ZBTB25: variants seen among roughly 807,000 people sequenced by gnomAD.
The protein encoded by ZBTB25 is zinc finger and BTB domain-containing protein 25.
In ZBTB25, 20 loss-of-function variants were observed where a neutral mutation model predicts 34.2. The observed-to-expected ratio is 0.58, with a 90% CI of 0.41 to 0.85. The LOEUF is 0.85. Ranked by LOEUF, ZBTB25 falls within the 40% of genes least tolerant of loss-of-function variation. ZBTB25 has a pLI of 0.00. For missense variants in ZBTB25, 437 were observed against 521.8 expected (o/e 0.84, Z 1.58); for synonymous variants, 175 against 186.4 (o/e 0.94, Z 0.50).
intron 1 of ZBTB25, among the ~76,000 whole-genome samples, chr14:64,499,203 T>C (rs2079400193): frequency 6.6e-6 from 1 of 152,200 alleles, no homozygotes; most frequent in African/African-American, 2.4e-5. Flanking sequence ...GGAAATTATG[T>C]TGACTACATT....
downstream of ZBTB25, among the ~76,000 whole-genome samples, chr14:64,476,383 T>C (rs1003801888): frequency 4.6e-5 from 7 of 152,236 alleles, no homozygotes; most frequent in Non-Finnish European, 8.8e-5. Flanking sequence ...CGGAGTGCAG[T>C]GGAGTGATCT....
At position 64,469,151 on chromosome 14, in the gene ZBTB25, T is replaced by G. The variant is rs970702104; in HGVS notation, c.174-19513A>C. ...CCAGCAAGCAAGCCCACTTGAAACT[T>G]CAGAAACAGACCATCAGCAGCCAGT... On this transcript the variant is annotated intron_variant, in intron 2 of 2. Transcript: ENST00000555220. 5 of 1,613,948 alleles carry G rather than the reference T, an allele frequency of 3.1e-6. No homozygotes were observed. In the Admixed American group the frequency reaches 5.0e-5, roughly 16 times the overall value.
chr14:64,468,375 A>C, intron 2 of ZBTB25: 5 of 1,573,364 alleles, frequency 3.2e-6, no homozygotes, highest in Non-Finnish European at 4.3e-6. Flanking sequence ...TTTTCTAGAG[A>C]ATAAGAGTGC....
chr14:64,505,050 C>A (rs908083298), upstream of ZBTB25: 3 of 375,072 alleles, frequency 8.0e-6, no homozygotes, highest in Non-Finnish European at 1.4e-5. Flanking sequence ...GGCGCCGATC[C>A]GTGCGGGGAG....
chr14:64,451,170 A>C (rs962381672), intron 2 of ZBTB25, among the ~76,000 whole-genome samples: 6 of 152,072 alleles, frequency 3.9e-5, no homozygotes, highest in African/African-American at 1.4e-4. Flanking sequence ...GTCTCAAAAA[A>C]AAAATTTTGT....
chr14:64,487,811 A>G lies in ZBTB25; in HGVS notation c.420T>C (p.Val140=), dbSNP rs377494802. ...CTTTGACCTCCAGTCCTTGTTTGAC[A>G]ACTGTTTTTTGGGTTGTTGAGATCT... ...GIQISTTQKT[V]VKQGLEVKEA... is the part of the protein sequence containing the mutation. Residue 140 remains valine (V), a synonymous_variant, in exon 3 of 3, where the codon GTT becomes GTC. Coordinates refer to ENST00000608382, the MANE Select transcript of ZBTB25 (RefSeq NM_006977.5). 2 of 1,614,024 alleles carry G rather than the reference A, an allele frequency of 1.2e-6. No homozygotes were observed. Among genetic ancestry groups the G allele is most frequent in the Non-Finnish European group, 1.7e-6 (2 of 1,180,036 alleles).
chr14:64,502,767 G>C (rs2079538445), intron 1 of ZBTB25: 1 of 966,452 alleles, frequency 1.0e-6, no homozygotes, highest in Non-Finnish European at 1.2e-6. Context: ...GCTATCAAGA[G>C]GTGTAGCTAG....
intron 1 of ZBTB25, among the ~76,000 whole-genome samples, chr14:64,498,768 G>A (rs2079379029): frequency 1.3e-5 from 2 of 152,016 alleles, no homozygotes; most frequent in African/African-American, 4.8e-5. Context: ...CGAGTAGCTG[G>A]GACTACAGGC....
At chr14:64,497,638 A>G (rs907896048) in intron 1 of ZBTB25, among the ~76,000 whole-genome samples, 1 of 152,252 alleles carries the variant, frequency 6.6e-6, no homozygotes, top group African/African-American at 2.4e-5. Flanking sequence ...TTTACCTTCT[A>G]GATTGTAGTA....
In ZBTB25 at chr14:64,482,020, T is replaced by A. The variant is rs916485228; in HGVS notation, c.*4903A>T. ...CCTGTACAAATAAATGTTAACGAAA[T>A]TACACATTTTTCACACTATCTTTTT... On this transcript the variant is annotated 3_prime_UTR_variant, in exon 3 of 3. Coordinates refer to ENST00000608382, the MANE Select transcript of ZBTB25 (RefSeq NM_006977.5). The A allele has an allele frequency of 6.6e-6, 1 of 152,208 alleles. No individual in the cohort carries two copies. Among genetic ancestry groups the A allele is most frequent in the Non-Finnish European group, 1.5e-5 (1 of 68,040 alleles). 9.4% of individuals were successfully genotyped at this position (152,208 alleles called of 1,614,324 possible). A position where few individuals can be genotyped will look rare whatever the true frequency, so the allele number is the denominator to read the frequency against.
chr14:64,490,686 C>A, intron 1 of ZBTB25, 146 bp from the exon 2 acceptor site: 2 of 769,834 alleles, frequency 2.6e-6, no homozygotes, highest in East Asian at 5.7e-5. Flanking sequence ...AGTTTTCAAT[C>A]CTATTACTTT....
intron 2 of ZBTB25, among the ~76,000 whole-genome samples, chr14:64,465,346 G>C (rs1043920681): frequency 2.0e-5 from 3 of 151,914 alleles, no homozygotes; most frequent in Admixed American, 1.3e-4. Context: ...CAGGCAGGCA[G>C]GCTGCTGCTG....
intron 2 of ZBTB25, chr14:64,453,688 A>G: frequency 1.1e-6 from 1 of 929,122 alleles, no homozygotes; most frequent in Non-Finnish European, 1.8e-6. Context: ...GAATGTGGCT[A>G]TGTCCTGGTT....
At chr14:64,467,242 C>T (rs927544868) in intron 2 of ZBTB25, 1 of 152,212 alleles carries the variant, frequency 6.6e-6, no homozygotes, top group Non-Finnish European at 1.5e-5. Flanking sequence ...TGTTACAGCT[C>T]TGCCGTAATC....
At chr14:64,504,218 A>T (rs1449942484), upstream of ZBTB25, 1 of 140,542 alleles carries the variant, frequency 7.1e-6, no homozygotes, top group African/African-American at 2.7e-5. Context: ...TGGCGGGGGA[A>T]GTGACTCAGG....
chr14:64,502,551 AC>A, intron 1 of ZBTB25: 1 of 815,492 alleles, frequency 1.2e-6, no homozygotes, highest in Non-Finnish European at 1.5e-6. Flanking sequence ...TTCCAAAAAT[AC>A]ACCATAGGCG....
At chr14:64,477,489 CAT>C (rs965978519), downstream of ZBTB25, among the ~76,000 whole-genome samples, 14 of 152,160 alleles carry the variant, frequency 9.2e-5, no homozygotes, top group Non-Finnish European at 1.5e-4. Flanking sequence ...AGACAGCACA[CAT>C]GTGAAAAAAG....
At position 64,487,847 on chromosome 14, in the gene ZBTB25, T is replaced by C. The variant is rs142355933; in HGVS notation, c.384A>G (p.Leu128=). The change falls in exon 3 of 3, where the codon TTA becomes TTG. Residue 128 remains leucine, a synonymous_variant. Transcript: ENST00000608382. ...FSPETVQSSN[L]YGIQISTTQK... ...GGGTTGTTGAGATCTGAATGCCATA[T>C]AAATTTGAGGACTGCACAGTCTCTG... The C allele has an allele frequency of 1.7e-5, 28 of 1,614,076 alleles. No homozygotes were observed. Among genetic ancestry groups the C allele is most frequent in the Admixed American group, 8.3e-5 (5 of 60,004 alleles).
At chr14:64,477,341 C>G (rs1049405348), downstream of ZBTB25, among the ~76,000 whole-genome samples, 14 of 152,068 alleles carry the variant, frequency 9.2e-5, no homozygotes, top group African/African-American at 3.4e-4. Flanking sequence ...TTTGAGAGAG[C>G]AGCAAAACTG....
Sources: gnomAD v4.1 joint callset for allele counts (sites outside exome capture counted in the v4.1 genomes callset) on GRCh38, gnomAD v4.1.1 for gene constraint, MANE v1.5 for transcripts, NCBI Gene and HGNC (gene_info 2026-07-23, HGNC 2026-07-21) for gene names.